The following FER1L6 variants were observed in gnomAD, a reference collection of about 807,000 sequenced individuals.
FER1L6 encodes the protein fer-1-like protein 6.
A neutral mutation model predicts 219.2 loss-of-function variants in FER1L6; 177 were observed. The observed-to-expected ratio is 0.81, with a 90% CI of 0.71 to 0.91. The LOEUF is 0.91. Among genes scored for constraint, FER1L6 ranks in the 40% least tolerant of loss-of-function variants. FER1L6 has a pLI of 0.00. For missense variants in FER1L6, 2,153 were observed against 2,259.9 expected, an observed-to-expected ratio of 0.95 and a Z score of 0.96; for synonymous variants, 768 against 824.3, an observed-to-expected ratio of 0.93 and a Z score of 1.17.
At chr8:123,902,649 T>C (rs1163147662) in intron 1 of FER1L6, among the ~76,000 whole-genome samples, 3 of 152,182 alleles carry the variant, frequency 2.0e-5, no homozygotes, top group Admixed American at 6.5e-5. Flanking sequence ...TTGGTGTCCA[T>C]TTTCACCCCT....
At chr8:123,879,634 A>T (rs1586436317) in intron 1 of FER1L6, among the ~76,000 whole-genome samples, 1 of 150,866 alleles carries the variant, frequency 6.6e-6, no homozygotes, top group Non-Finnish European at 1.5e-5. Flanking sequence ...CGGAGTCAAT[A>T]TTATTTAACG....
At chr8:124,098,651 A>G (rs1822410987) in intron 37 of FER1L6, among the ~76,000 whole-genome samples, 2 of 152,208 alleles carry the variant, frequency 1.3e-5, no homozygotes, top group Non-Finnish European at 2.9e-5. Flanking sequence ...TAACAAACAG[A>G]CTTAAGAGCC....
Position 124,111,995 on chromosome 8 carries a change from G to C in FER1L6, c.5290-6849G>C, listed in dbSNP as rs1823039395. On this transcript the variant is annotated intron_variant, in intron 39 of 40. Transcript: ENST00000522917. The surrounding 1 kb of genome is among the most constrained non-coding windows in gnomAD (Gnocchi z 5.0). Reference sequence around the variant, plus strand: ...CTTAAGTAACCAATAACCATATTAAGAAAATAACTTTCTCCTAATAGGGTA... The same window carrying C: ...CTTAAGTAACCAATAACCATATTAACAAAATAACTTTCTCCTAATAGGGTA... 6.6e-6 allele frequency among the ~76,000 whole-genome samples: 1 copy of C among 152,140 alleles called. No individual in the cohort carries two copies. The highest frequency in any genetic ancestry group is 1.5e-5 in the Non-Finnish European group (1 of 68,018).
intron 1 of FER1L6, among the ~76,000 whole-genome samples, chr8:123,855,818 G>T (rs1259936042): frequency 6.9e-6 from 1 of 144,740 alleles, no homozygotes; most frequent in East Asian, 2.0e-4. Context: ...ATATATATCA[G>T]CACAGTAGGG....
In FER1L6 at chr8:124,082,278, T is replaced by C; in HGVS notation, c.4221-10T>C. On this transcript the variant is annotated splice_polypyrimidine_tract_variant and intron_variant, in intron 32 of 40. Coordinates refer to ENST00000522917, the MANE Select transcript of FER1L6 (RefSeq NM_001039112.2). ...TTAACTGACTCTTGAAGTCTCTGCT[T>C]GGACCGCAGGTCATTTGAGATCCAA... 1 of 1,608,212 alleles carries C rather than the reference T, an allele frequency of 6.2e-7. No individual in the cohort carries two copies. Among genetic ancestry groups the C allele is most frequent in the Non-Finnish European group, 8.5e-7 (1 of 1,177,158 alleles).
intron 18 of FER1L6, among the ~76,000 whole-genome samples, chr8:124,030,933 G>T (rs1397217408): frequency 6.6e-6 from 1 of 152,120 alleles, no homozygotes; most frequent in African/African-American, 2.4e-5. Flanking sequence ...GGTGGGGAAG[G>T]CACAGGGGAG....
chr8:124,015,570 G>A (rs1586593456), intron 15 of FER1L6, among the ~76,000 whole-genome samples: 1 of 27,816 alleles, frequency 3.6e-5, no homozygotes, highest in Non-Finnish European at 7.6e-5. Flanking sequence ...CATTATAAAA[G>A]CTATATATAT....
intron 13 of FER1L6, 102 bp downstream of exon 13, chr8:124,003,449 TCC>T: frequency 2.7e-6 from 1 of 368,930 alleles, no homozygotes; most frequent in Non-Finnish European, 4.8e-6. Context: ...ATCAGAAATG[TCC>T]TTTTTTTTTT....
In FER1L6 at chr8:124,069,447, A is replaced by G. The variant is rs1241071900; in HGVS notation, c.3806A>G (p.Asp1269Gly). The change falls in exon 29 of 41, where the codon GAT becomes GGT. Residue 1269 changes from aspartate (D) to glycine (G), a missense_variant. Physicochemically the swap from Asp to Gly is moderately conservative, Grantham distance 94. Transcript: ENST00000522917. ...ATGCTCAAGAAGAAACCCAAAGATG[A>G]TGGAATCCCCAACCTGGCCATCTTG... The part of the protein sequence containing the change: ...DKMLKKKPKD[D>G]GIPNLAILQI... 1 of 1,610,856 alleles carries G rather than the reference A, an allele frequency of 6.2e-7. No individual in the cohort carries two copies. The highest frequency in any genetic ancestry group is 1.1e-5 in the South Asian group (1 of 90,478).
chr8:124,091,546 CT>C lies in FER1L6; in HGVS notation c.4519del (p.Ser1507LeufsTer44), dbSNP rs749657047. 1 of 1,614,086 alleles carries C rather than the reference CT, an allele frequency of 6.2e-7. No individual in the cohort carries two copies. The highest frequency in any genetic ancestry group is 1.7e-5 in the Admixed American group (1 of 60,020). ...GGAAAATACAGATAGGAAACCAAGT[CT>C]TTTCTGGAAAAACTATCTTCACTGA... is the stretch of plus-strand genomic sequence containing the variant. Reference protein sequence around the residue: ...PGKIQIGNQVFSGKTIFTEED... With the variant: ...PGKIQIGNQVXSGKTIFTEED... On this transcript the variant is annotated frameshift_variant, in exon 34 of 41. Coordinates refer to ENST00000522917, the MANE Select transcript of FER1L6 (RefSeq NM_001039112.2). LOFTEE classifies it high-confidence loss of function.
intron 5 of FER1L6, among the ~76,000 whole-genome samples, chr8:123,969,472 G>C (rs1052191957): frequency 2.0e-5 from 3 of 152,146 alleles, no homozygotes; most frequent in African/African-American, 7.2e-5. Flanking sequence ...AGATTATAGA[G>C]AGATGGCTAT....
At chr8:124,024,714 C>T (rs945964789) in intron 18 of FER1L6, among the ~76,000 whole-genome samples, 5 of 152,028 alleles carry the variant, frequency 3.3e-5, no homozygotes. Flanking sequence ...GGTAGATACC[C>T]AATAGTGGGT....
At chr8:123,886,822 A>T (rs1293772375) in intron 1 of FER1L6, among the ~76,000 whole-genome samples, 2 of 152,238 alleles carry the variant, frequency 1.3e-5, no homozygotes, top group Non-Finnish European at 2.9e-5. Flanking sequence ...AATGTGTTGA[A>T]TAAATAGGCC....
At position 123,921,657 on chromosome 8, in the gene FER1L6, G is replaced by A. The variant is rs369300685; in HGVS notation, c.-7-34335G>A. On this transcript the variant is annotated intron_variant, in intron 1 of 40. Coordinates refer to ENST00000522917, the MANE Select transcript of FER1L6 (RefSeq NM_001039112.2). Reference sequence around the variant, plus strand: ...TTTTTTGAGTGTGTGCCGGGACAGCGGGGTAGTAGCCATCCTGATGGGTGT... The same window carrying A: ...TTTTTTGAGTGTGTGCCGGGACAGCAGGGTAGTAGCCATCCTGATGGGTGT... Among the ~76,000 whole-genome samples, 18 of 151,918 alleles carry A rather than the reference G, an allele frequency of 1.2e-4. No individual in the cohort carries two copies. The East Asian group carries it at 1.9e-3, about 16-fold the overall frequency.
rs1254887301 is a variant in FER1L6, at chr8:124,023,505, A to G, written c.2195A>G (p.Tyr732Cys). 2 of 1,614,218 alleles carry G rather than the reference A, an allele frequency of 1.2e-6. No individual in the cohort carries two copies. The highest frequency in any genetic ancestry group is 1.3e-5 in the African/African-American group (1 of 75,058). ...WMLSNNRRVA[Y>C]ARIASKDLLY... Reference sequence around the variant, plus strand: ...CTCAGCAACAACAGGAGAGTGGCCTATGCCCGCATCGCCTCCAAAGACCTC... The same window carrying G: ...CTCAGCAACAACAGGAGAGTGGCCTGTGCCCGCATCGCCTCCAAAGACCTC... The change falls in exon 18 of 41, where the codon TAT becomes TGT. Residue 732 changes from tyrosine (Y) to cysteine (C), a missense_variant. Transcript: ENST00000522917.
intron 37 of FER1L6, among the ~76,000 whole-genome samples, chr8:124,100,658 G>C (rs541916694): frequency 3.2e-4 from 48 of 152,308 alleles, no homozygotes; most frequent in African/African-American, 1.1e-3. Context: ...TACCAGCCCA[G>C]TGCATGCCTG....
Position 123,966,278 on chromosome 8 carries a change from A to G in FER1L6, c.372A>G (p.Pro124=), listed in dbSNP as rs202219089. The change falls in exon 5 of 41, where the codon CCA becomes CCG. Residue 124 remains proline (P), a synonymous_variant. Coordinates refer to ENST00000522917, the MANE Select transcript of FER1L6 (RefSeq NM_001039112.2). ...QSTVKEGTNS[P]FYNEYFVFDF... ...CAGTGAAGGAAGGAACCAACAGCCCATTTTATAATGAAGTAAGTCATGGAG... is the reference window on the plus strand; with the variant it reads ...CAGTGAAGGAAGGAACCAACAGCCCGTTTTATAATGAAGTAAGTCATGGAG... The G allele has an allele frequency of 3.5e-5, 56 of 1,614,058 alleles. No individual in the cohort carries two copies. The highest frequency in any genetic ancestry group is 3.0e-4 in the South Asian group (27 of 91,086).
At position 124,004,612 on chromosome 8, in the gene FER1L6, G is replaced by T. The variant is rs1817574910; in HGVS notation, c.1700+1265G>T. Among the ~76,000 whole-genome samples the T allele has an allele frequency of 2.0e-5, 3 of 151,834 alleles. No homozygotes were observed. The South Asian group carries it at 6.2e-4, about 32-fold the overall frequency. ...GGATGTCCCACAGATTACTCACCAG[G>T]CTCATTGTCTTCACAGACAACTTTT... is the stretch of plus-strand genomic sequence containing the variant. On this transcript the variant is annotated intron_variant, in intron 13 of 40. Transcript: ENST00000522917.
intron 1 of FER1L6, among the ~76,000 whole-genome samples, chr8:123,898,894 C>G (rs940739871): frequency 6.8e-6 from 1 of 146,446 alleles, no homozygotes; most frequent in East Asian, 2.0e-4. Flanking sequence ...AGTTTTTTAT[C>G]CAGTTGTTGA....
Sources: gnomAD v4.1 joint callset for allele counts (sites outside exome capture counted in the v4.1 genomes callset) on GRCh38, gnomAD v4.1.1 for gene constraint, Gnocchi (gnomAD v3.1) non-coding constraint, MANE v1.5 for transcripts, NCBI Gene and HGNC (gene_info 2026-07-23, HGNC 2026-07-21) for gene names.